Variants in HCN1 observed in about 807,000 individuals in gnomAD.
HCN1 encodes the protein hyperpolarization activated cyclic nucleotide gated potassium channel 1, also known as potassium/sodium hyperpolarization-activated cyclic nucleotide-gated channel 1.
In HCN1, 13 loss-of-function variants were observed where a neutral mutation model predicts 78.9. The observed-to-expected ratio is 0.16, with a 90% CI of 0.11 to 0.26. The LOEUF is 0.26. Among genes scored for constraint, HCN1 ranks in the 10% least tolerant of loss-of-function variants. The pLI is 1.00. For missense variants in HCN1, 810 were observed against 1,154.3 expected (o/e 0.70, Z 4.32); for synonymous variants, 552 against 455.5 (o/e 1.21, Z -2.70).
chr5:45,300,132 A>G (rs749900716), intron 6 of HCN1, among the ~76,000 whole-genome samples: 9 of 152,060 alleles, frequency 5.9e-5, no homozygotes, highest in African/African-American at 9.6e-5. Flanking sequence ...TTCACAAAAC[A>G]TATGTCGACT....
chr5:45,468,403 C>A (rs1457998992), intron 2 of HCN1, among the ~76,000 whole-genome samples: 2 of 151,986 alleles, frequency 1.3e-5, no homozygotes, highest in Non-Finnish European at 2.9e-5. Flanking sequence ...CTTTAATAAA[C>A]ATATACATGT....
chr5:45,505,022 T>G (rs962615106), intron 2 of HCN1, among the ~76,000 whole-genome samples: 50 of 152,300 alleles, frequency 3.3e-4, no homozygotes, highest in Admixed American at 7.2e-4. Context: ...ATGAGTAGAT[T>G]GCAAAAATTT....
At chr5:45,452,886 C>T (rs1167707401) in intron 3 of HCN1, among the ~76,000 whole-genome samples, 1 of 151,940 alleles carries the variant, frequency 6.6e-6, no homozygotes, top group Non-Finnish European at 1.5e-5. Flanking sequence ...ACGAAATGTT[C>T]GTTTTAGGTT....
intron 1 of HCN1, among the ~76,000 whole-genome samples, chr5:45,674,925 T>G (rs540048221): frequency 4.3e-4 from 66 of 151,738 alleles, no homozygotes; most frequent in South Asian, 1.5e-3. Context: ...ATAAAAAATT[T>G]TAACTATTTA....
intron 3 of HCN1, among the ~76,000 whole-genome samples, chr5:45,449,115 G>A (rs569333783): frequency 4.6e-5 from 7 of 152,064 alleles, no homozygotes; most frequent in East Asian, 3.9e-4. Context: ...AAATAAAATC[G>A]TTTTATTTAG....
chr5:45,540,829 T>A (rs1743089119), intron 2 of HCN1, among the ~76,000 whole-genome samples: 1 of 152,200 alleles, frequency 6.6e-6, no homozygotes, highest in Admixed American at 6.5e-5. Context: ...TTCTCCTTGA[T>A]GAAAATAAGT....
At chr5:45,404,693 CAAAAAA>C (rs60728403) in intron 3 of HCN1, among the ~76,000 whole-genome samples, 144 of 56,236 alleles carry the variant, frequency 2.6e-3, no homozygotes, top group African/African-American at 8.2e-3. Flanking sequence ...GGGCTATTTG[CAAAAAA>C]AAAAAAAAAA....
At chr5:45,329,490 T>C (rs944637280) in intron 5 of HCN1, among the ~76,000 whole-genome samples, 11 of 151,434 alleles carry the variant, frequency 7.3e-5, no homozygotes, top group Non-Finnish European at 1.6e-4. Flanking sequence ...ATCTCTCTTA[T>C]TACAATAATA....
intron 2 of HCN1, among the ~76,000 whole-genome samples, chr5:45,614,287 CTATT>C (rs1475012732): frequency 4.6e-5 from 7 of 152,204 alleles, no homozygotes; most frequent in Admixed American, 1.3e-4. Context: ...TTATACATAA[CTATT>C]TATCCGTCTG....
chr5:45,602,156 T>C (rs1237473783), intron 2 of HCN1, among the ~76,000 whole-genome samples: 1 of 152,102 alleles, frequency 6.6e-6, no homozygotes, highest in Non-Finnish European at 1.5e-5. Context: ...TTAAACCACC[T>C]TCCTTTATAA....
intron 5 of HCN1, among the ~76,000 whole-genome samples, chr5:45,349,753 C>T (rs1746844704): frequency 1.3e-5 from 2 of 152,012 alleles, no homozygotes; most frequent in Admixed American, 1.3e-4. Context: ...CACCTCTACG[C>T]AAACTGACTA....
intron 3 of HCN1, among the ~76,000 whole-genome samples, chr5:45,404,006 T>G (rs921512860): frequency 2.6e-5 from 4 of 152,174 alleles, no homozygotes; most frequent in African/African-American, 9.7e-5. Flanking sequence ...GCTCTCATTT[T>G]TATAAGCCTA....
chr5:45,518,781 A>G (rs1742560802), intron 2 of HCN1, among the ~76,000 whole-genome samples: 2 of 152,002 alleles, frequency 1.3e-5, no homozygotes, highest in South Asian at 4.2e-4. Context: ...GAAAAGAGGG[A>G]AGGGAATCTT....
chr5:45,654,722 A>C (rs1036945673), intron 1 of HCN1, among the ~76,000 whole-genome samples: 2 of 152,146 alleles, frequency 1.3e-5, no homozygotes, highest in Non-Finnish European at 2.9e-5. Context: ...ACTGTGAGTT[A>C]CAGACAGTTT....
At chr5:45,619,437 T>C (rs540219624) in intron 2 of HCN1, among the ~76,000 whole-genome samples, 1 of 152,222 alleles carries the variant, frequency 6.6e-6, no homozygotes, top group South Asian at 2.1e-4. Flanking sequence ...AAATATACGG[T>C]ATCCTAACAA....
intron 6 of HCN1, among the ~76,000 whole-genome samples, chr5:45,275,990 T>C (rs1404364655): frequency 6.6e-6 from 1 of 152,140 alleles, no homozygotes; most frequent in African/African-American, 2.4e-5. Context: ...ATTCATCAAA[T>C]GATTTTTGGC....
chr5:45,550,390 G>T (rs915261147), intron 2 of HCN1, among the ~76,000 whole-genome samples: 2 of 152,060 alleles, frequency 1.3e-5, no homozygotes, highest in Non-Finnish European at 2.9e-5. Flanking sequence ...GCAAACTATC[G>T]CAAGGACAAG....
intron 5 of HCN1, among the ~76,000 whole-genome samples, chr5:45,304,111 T>C (rs1442879967): frequency 6.6e-6 from 1 of 152,140 alleles, no homozygotes; most frequent in Non-Finnish European, 1.5e-5. Context: ...TCAACTTTTT[T>C]AACTTCCCAT....
intron 2 of HCN1, among the ~76,000 whole-genome samples, chr5:45,491,459 C>G (rs1741884352): frequency 6.6e-6 from 1 of 152,054 alleles, no homozygotes; most frequent in Admixed American, 6.6e-5. Flanking sequence ...GGGCCTTTAA[C>G]TTACCTTGTG....
Sources: allele counts gnomAD v4.1 joint callset (sites outside exome capture counted in the v4.1 genomes callset), GRCh38; gene constraint gnomAD v4.1.1; transcripts MANE v1.5; gene names NCBI Gene and HGNC (gene_info 2026-07-23, HGNC 2026-07-21).